Variants in URB1 observed in about 807,000 individuals in gnomAD.
The protein encoded by URB1 is nucleolar pre-ribosomal-associated protein 1.
URB1 carries 197 observed loss-of-function variants against 242.3 expected under a neutral mutation model. The observed-to-expected ratio is 0.81, with a 90% CI of 0.72 to 0.91. URB1 has a LOEUF of 0.91. Ranked by LOEUF, URB1 falls within the 40% of genes least tolerant of loss-of-function variation. The pLI is 0.00. For missense variants in URB1, 2,721 were observed against 2,860.5 expected, an observed-to-expected ratio of 0.95 and a Z score of 1.11; for synonymous variants, 1,153 against 1,201.8, an observed-to-expected ratio of 0.96 and a Z score of 0.84.
At chr21:32,343,642 GT>G (rs2033054630) in intron 24 of URB1, among the ~76,000 whole-genome samples, 1 of 152,186 alleles carries the variant, frequency 6.6e-6, no homozygotes, top group Non-Finnish European at 1.5e-5. Flanking sequence ...TTCAAAATAT[GT>G]AAACTTACCT....
At chr21:32,327,762 G>A (rs528864434) in intron 30 of URB1, among the ~76,000 whole-genome samples, 3 of 152,178 alleles carry the variant, frequency 2.0e-5, no homozygotes, top group Non-Finnish European at 4.4e-5. Flanking sequence ...CTGTTACAAG[G>A]TCCTTATACT....
At chr21:32,385,756 C>G in intron 1 of URB1, 72 bp from the exon 2 acceptor site, 3 of 1,524,424 alleles carry the variant, frequency 2.0e-6, no homozygotes, top group Non-Finnish European at 2.6e-6. Flanking sequence ...ACCACTGCAA[C>G]CTGCTTTCCC....
Position 32,352,389 on chromosome 21 carries a change from C to T in URB1, c.2613+321G>A, listed in dbSNP as rs527277229. Among the ~76,000 whole-genome samples the T allele has an allele frequency of 3.0e-4, 45 of 152,162 alleles. No individual in the cohort carries two copies. The Middle Eastern group carries it at 0.01, about 35-fold the overall frequency. ...GCAGAGGAGAGCCAGGAGACAAGCA[C>T]GCACAGATAACAAGGTAAGGAAAAA... On this transcript the variant is annotated intron_variant, in intron 19 of 38. Coordinates refer to ENST00000382751, the MANE Select transcript of URB1 (RefSeq NM_014825.3).
At chr21:32,358,122 CAA>C (rs2033245383) in intron 14 of URB1, among the ~76,000 whole-genome samples, 1 of 152,206 alleles carries the variant, frequency 6.6e-6, no homozygotes, top group South Asian at 2.1e-4. Context: ...ATTTTAACCA[CAA>C]TTTGGCAGGA....
intron 30 of URB1, among the ~76,000 whole-genome samples, chr21:32,326,795 A>G (rs1392413645): frequency 2.6e-5 from 4 of 152,208 alleles, no homozygotes; most frequent in African/African-American, 9.6e-5. Flanking sequence ...CTATGAAACC[A>G]TGAGTCAATT....
rs1409123421 is a variant in URB1, at chr21:32,316,949, T to A, written c.6151A>T (p.Thr2051Ser). Reference sequence around the variant, plus strand: ...AGGAGGCCCTTGCATGTCTCCAAGGTAGATGCCATCAGCTCAGGGTCAGCC... The same window carrying A: ...AGGAGGCCCTTGCATGTCTCCAAGGAAGATGCCATCAGCTCAGGGTCAGCC... ...EMADPELMAS[T>S]LETCKGLLRS... The change falls in exon 38 of 39, where the codon ACC (threonine) becomes TCC (serine). Residue 2051 changes from threonine (T) to serine (S), a missense_variant. Coordinates refer to ENST00000382751, the MANE Select transcript of URB1 (RefSeq NM_014825.3). The A allele has an allele frequency of 2.6e-5, 41 of 1,551,566 alleles. No homozygotes were observed. The highest frequency in any genetic ancestry group is 3.5e-5 in the Non-Finnish European group (40 of 1,146,996).
chr21:32,337,225 T>C, intron 27 of URB1, 68 bp from the exon 28 acceptor site: 1 of 1,497,906 alleles, frequency 6.7e-7, no homozygotes, highest in Non-Finnish European at 9.1e-7. Flanking sequence ...TCCCACCACC[T>C]GCCCTCATAC....
At chr21:32,370,495 A>G (rs1196592729) in intron 8 of URB1, among the ~76,000 whole-genome samples, 1 of 152,214 alleles carries the variant, frequency 6.6e-6, no homozygotes, top group Non-Finnish European at 1.5e-5. Flanking sequence ...TAAAATGGAG[A>G]GCATTAATAT....
In URB1 at chr21:32,385,874, G is replaced by A. The variant is rs762458754; in HGVS notation, c.143-190C>T. Among the ~76,000 whole-genome samples, 7 of 152,190 alleles carry A rather than the reference G, an allele frequency of 4.6e-5. 1 individual carries two copies. In the East Asian group the frequency reaches 1.4e-3, roughly 29 times the overall value. Reference sequence around the variant, plus strand: ...TCATGTTGAAACCCTAAACCCGGCCGGGCGCGGTGGCTCACGCCTGTAATC... The same window carrying A: ...TCATGTTGAAACCCTAAACCCGGCCAGGCGCGGTGGCTCACGCCTGTAATC... On this transcript the variant is annotated intron_variant, in intron 1 of 38. Coordinates refer to ENST00000382751, the MANE Select transcript of URB1 (RefSeq NM_014825.3).
chr21:32,348,228 G>C lies in URB1; in HGVS notation c.3013-417C>G, dbSNP rs1368904331. Among the ~76,000 whole-genome samples, 3 of 152,218 alleles carry C rather than the reference G, an allele frequency of 2.0e-5. No individual in the cohort carries two copies. In the East Asian group the frequency reaches 5.8e-4, roughly 29 times the overall value. On this transcript the variant is annotated intron_variant, in intron 21 of 38. Coordinates refer to ENST00000382751, the MANE Select transcript of URB1 (RefSeq NM_014825.3). The stretch of plus-strand genomic sequence containing the variant: ...ATGTGAGTAAGATCAATCAGCTGCT[G>C]GCTTCTCCTCAGCGGCCTTGCCCTC...
Position 32,375,430 on chromosome 21 carries a change from T to TGA in URB1, c.717_718insTC (p.Ile240SerfsTer9). The stretch of plus-strand genomic sequence containing the variant: ...TTCAGTGTGGATAATAAAATATTGA[T>TGA]GGTAGAGATCCTATCTTCCTTTATC... On this transcript the variant is annotated frameshift_variant, in exon 6 of 39. Transcript: ENST00000382751. LOFTEE classifies it high-confidence loss of function. The TGA allele has an allele frequency of 6.5e-7, 1 of 1,540,484 alleles. No homozygotes were observed. Among genetic ancestry groups the TGA allele is most frequent in the Non-Finnish European group, 8.8e-7 (1 of 1,141,862 alleles).
chr21:32,333,492 C>A lies in URB1; in HGVS notation c.4858-73G>T, dbSNP rs918867962. ...GTAATACAGGTTGAGTATCTCTTAT[C>A]TGAAACACCTGGGATCAGAAATGTT... On this transcript the variant is annotated intron_variant, in intron 29 of 38. Coordinates refer to ENST00000382751, the MANE Select transcript of URB1 (RefSeq NM_014825.3). The A allele has an allele frequency of 6.1e-6, 7 of 1,145,756 alleles. No individual in the cohort carries two copies. In the African/African-American group the frequency reaches 1.1e-4, roughly 18 times the overall value. 71.0% of individuals were successfully genotyped at this position (1,145,756 alleles called of 1,614,324 possible).
At chr21:32,333,212 G>T in intron 30 of URB1, 105 bp downstream of exon 30, 1 of 921,930 alleles carries the variant, frequency 1.1e-6, no homozygotes, top group South Asian at 1.4e-5. Context: ...TTATTTCCAA[G>T]ATTCAGGTCC....
intron 10 of URB1, 64 bp downstream of exon 10, chr21:32,366,554 C>T: frequency 6.5e-7 from 1 of 1,542,224 alleles, no homozygotes; most frequent in Non-Finnish European, 8.8e-7. Context: ...AGAATAATCA[C>T]ATCATGTAGC....
At position 32,314,784 on chromosome 21, in the gene URB1, A is replaced by C; in HGVS notation, c.*134T>G. 6.9e-7 allele frequency: 1 copy of C among 1,451,964 alleles called. No individual in the cohort carries two copies. The highest frequency in any genetic ancestry group is 2.5e-5 in the East Asian group (1 of 40,346). 89.9% of individuals were successfully genotyped at this position (1,451,964 alleles called of 1,614,324 possible). A position where few individuals can be genotyped will look rare whatever the true frequency, so the allele number is the denominator to read the frequency against. The stretch of plus-strand genomic sequence containing the variant: ...AAGTCCTCTCAACTTTTCTTGTCAA[A>C]GAACTGAGCCAATGTACTGAACCTG... On this transcript the variant is annotated 3_prime_UTR_variant, in exon 39 of 39. Transcript: ENST00000382751.
chr21:32,334,909 C>A (rs577872828), intron 28 of URB1, among the ~76,000 whole-genome samples: 1 of 152,164 alleles, frequency 6.6e-6, no homozygotes, highest in African/African-American at 2.4e-5. Context: ...ATACCTCAAC[C>A]GCCACCACAG....
chr21:32,390,337 C>T (rs2033624336), intron 1 of URB1, among the ~76,000 whole-genome samples: 1 of 152,214 alleles, frequency 6.6e-6, no homozygotes, highest in African/African-American at 2.4e-5. Flanking sequence ...CTGTCCCATC[C>T]TACAATCCTT....
intron 4 of URB1, 84 bp from the exon 5 acceptor site, chr21:32,378,625 C>T: frequency 3.6e-6 from 4 of 1,115,488 alleles, no homozygotes; most frequent in East Asian, 5.2e-5. Flanking sequence ...CAAGCACACC[C>T]CTCCCGTCTC....
intron 21 of URB1, among the ~76,000 whole-genome samples, chr21:32,348,013 C>T (rs1390356000): frequency 1.3e-5 from 2 of 152,250 alleles, no homozygotes; most frequent in African/African-American, 4.8e-5. Flanking sequence ...CCAGAGCTGT[C>T]ATCCAGTTAT....
Sources: gnomAD v4.1 joint callset for allele counts (sites outside exome capture counted in the v4.1 genomes callset) on GRCh38, gnomAD v4.1.1 for gene constraint, MANE v1.5 for transcripts, NCBI Gene and HGNC (gene_info 2026-07-23, HGNC 2026-07-21) for gene names.